Variants in NDC1 observed in about 807,000 individuals in gnomAD.
NDC1 encodes the protein NDC1 transmembrane nucleoporin, also known as nucleoporin NDC1.
In NDC1, 24 loss-of-function variants were observed where a neutral mutation model predicts 89.8. That is an observed-to-expected ratio of 0.27 (90% CI 0.19 to 0.38). The LOEUF (loss-of-function observed/expected upper bound fraction) is 0.38. Ranked by LOEUF, NDC1 falls within the 10% of genes least tolerant of loss-of-function variation. The pLI is 1.00. For missense variants in NDC1, 728 were observed against 797.6 expected (o/e 0.91, Z 1.05); for synonymous variants, 296 against 284.8 (o/e 1.04, Z -0.39).
chr1:53,825,979 A>C (rs763156153), intron 4 of NDC1, 43 bp from the exon 5 acceptor site: 2 of 1,595,328 alleles, frequency 1.3e-6, no homozygotes, highest in African/African-American at 2.7e-5. Context: ...AGTCAGGGAC[A>C]TGTATCACTG....
At chr1:53,801,707 T>C (rs1169815747) in intron 10 of NDC1, among the ~76,000 whole-genome samples, 3 of 152,180 alleles carry the variant, frequency 2.0e-5, no homozygotes, top group Non-Finnish European at 1.5e-5. Context: ...CTCAGGATGT[T>C]TTGTACTACT....
In NDC1 at chr1:53,838,271, G is replaced by A. The variant is rs748458764; in HGVS notation, c.-10C>T. 29 of 1,536,608 alleles carry A rather than the reference G, an allele frequency of 1.9e-5. No individual in the cohort carries two copies. The highest frequency in any genetic ancestry group is 1.8e-4 in the African/African-American group (13 of 72,632). On this transcript the variant is annotated 5_prime_UTR_variant, in exon 1 of 18. Coordinates refer to ENST00000371429, the MANE Select transcript of NDC1 (RefSeq NM_018087.5). ...TCACGGCCGTGGCCATGGAGATGGC[G>A]GCCCCTAGTCTAGGGCGTACAGGAG...
intron 1 of NDC1, 26 bp downstream of exon 1, chr1:53,838,179 C>T: frequency 1.3e-6 from 2 of 1,530,626 alleles, no homozygotes; most frequent in Non-Finnish European, 1.7e-6. Context: ...CCTGGCAGTG[C>T]GTGCCACAGT....
intron 16 of NDC1, among the ~76,000 whole-genome samples, chr1:53,773,702 A>G (rs1017850527): frequency 2.6e-5 from 4 of 152,144 alleles, no homozygotes; most frequent in African/African-American, 9.7e-5. Context: ...GACTGGTCAG[A>G]GTGCCCAAAG....
intron 16 of NDC1, among the ~76,000 whole-genome samples, chr1:53,779,119 C>CAAA (rs11412563): frequency 1.3e-3 from 70 of 55,354 alleles, no homozygotes; most frequent in African/African-American, 2.3e-3. Flanking sequence ...GACTCTGTCG[C>CAAA]AAAAAAAAAA....
rs1553148958 is a variant in NDC1, at chr1:53,804,020, G to T, written c.985-11C>A. 3 of 1,592,442 alleles carry T rather than the reference G, an allele frequency of 1.9e-6. No homozygotes were observed. Among genetic ancestry groups the T allele is most frequent in the Middle Eastern group, 3.3e-4 (2 of 6,016 alleles). ...CTGCAAGGCTAAATACTAACAGGGG[G>T]AAAAAACACATATTATTTAATTTTT... On this transcript the variant is annotated splice_polypyrimidine_tract_variant and intron_variant, in intron 9 of 17. Transcript: ENST00000371429.
intron 1 of NDC1, among the ~76,000 whole-genome samples, chr1:53,836,536 C>T (rs555604587): frequency 6.6e-6 from 1 of 151,780 alleles, no homozygotes; most frequent in Non-Finnish European, 1.5e-5. Flanking sequence ...TCGCTCTGTC[C>T]CCCAGGCTAG....
chr1:53,786,978 G>A (rs956992203), intron 16 of NDC1, among the ~76,000 whole-genome samples, 180 bp downstream of exon 16: 1 of 152,166 alleles, frequency 6.6e-6, no homozygotes, highest in Non-Finnish European at 1.5e-5. Flanking sequence ...TTATAGGCAT[G>A]AGCCACACCA....
intron 3 of NDC1, among the ~76,000 whole-genome samples, chr1:53,830,156 AAAAG>A (rs1283884843): frequency 2.7e-5 from 4 of 147,748 alleles, no homozygotes; most frequent in Non-Finnish European, 4.5e-5. Flanking sequence ...ATCTCAAAAA[AAAAG>A]AAAGAAAGCG....
At chr1:53,776,194 T>C (rs989448261) in intron 16 of NDC1, among the ~76,000 whole-genome samples, 4 of 152,140 alleles carry the variant, frequency 2.6e-5, no homozygotes, top group Admixed American at 1.3e-4. Flanking sequence ...TGACCTCAAG[T>C]GATCTGCCTT....
intron 16 of NDC1, among the ~76,000 whole-genome samples, chr1:53,778,258 T>TACACAC (rs772345616): frequency 6.9e-4 from 85 of 122,504 alleles, no homozygotes; most frequent in Admixed American, 3.0e-3. Flanking sequence ...TGTGTGTGTA[T>TACACAC]ATACACACAC....
Position 53,796,801 on chromosome 1 carries a change from T to A in NDC1, c.1472A>T (p.Gln491Leu). The A allele has an allele frequency of 1.2e-6, 2 of 1,606,388 alleles. No homozygotes were observed. Among genetic ancestry groups the A allele is most frequent in the Non-Finnish European group, 1.7e-6 (2 of 1,177,922 alleles). ...GPRLWTSASDQQMTEFSNPSP... is the reference protein window; with the variant it reads ...GPRLWTSASDLQMTEFSNPSP... Reference sequence around the variant, plus strand: ...AGGATTAGAAAATTCAGTCATTTGCTGATCTATTTTTAAAAAAGAAAAGGC... The same window carrying A: ...AGGATTAGAAAATTCAGTCATTTGCAGATCTATTTTTAAAAAAGAAAAGGC... The change falls in exon 13 of 18, where the codon CAG (glutamine) becomes CTG (leucine). Residue 491 changes from glutamine to leucine, a missense_variant. Transcript: ENST00000371429.
chr1:53,813,429 G>A (rs1195101725), intron 6 of NDC1, among the ~76,000 whole-genome samples: 4 of 152,098 alleles, frequency 2.6e-5, no homozygotes, highest in Admixed American at 1.3e-4. Flanking sequence ...GTAAAAGGGT[G>A]GAAAAAGGCA....
rs1475265517 is a variant in NDC1, at chr1:53,807,661, T to A, written c.886A>T (p.Thr296Ser). 3.1e-6 allele frequency: 5 copies of A among 1,602,336 alleles called. No individual in the cohort carries two copies. In the African/African-American group the frequency reaches 6.8e-5, roughly 22 times the overall value. The stretch of plus-strand genomic sequence containing the variant: ...AAATATTTTAAAAAACATACCTCTG[T>A]GGCATAGATTTTGAAGAGTATCCAT... ...VSWILFKIYA[T>S]EAHVFPVQPP... Residue 296 changes from threonine (T) to serine (S), a missense_variant, in exon 8 of 18, where the codon ACA becomes TCA. Thr to Ser is a moderately conservative substitution (Grantham distance 58). Coordinates refer to ENST00000371429, the MANE Select transcript of NDC1 (RefSeq NM_018087.5).
intron 16 of NDC1, among the ~76,000 whole-genome samples, chr1:53,776,067 A>G (rs1297009503): frequency 1.4e-5 from 2 of 147,750 alleles, no homozygotes; most frequent in African/African-American, 5.0e-5. Flanking sequence ...CGATCCTCCC[A>G]CCTCAGCCTC....
chr1:53,801,340 G>A (rs2100656756), intron 10 of NDC1, among the ~76,000 whole-genome samples: 1 of 152,160 alleles, frequency 6.6e-6, no homozygotes, highest in Non-Finnish European at 1.5e-5. Flanking sequence ...GTATATAACA[G>A]CCCCTATTTG....
intron 14 of NDC1, among the ~76,000 whole-genome samples, chr1:53,792,166 T>A (rs1438144083): frequency 3.3e-5 from 5 of 152,074 alleles, no homozygotes; most frequent in Admixed American, 2.0e-4. Flanking sequence ...ATGGTCTTGA[T>A]CTCCTGACCT....
chr1:53,784,135 T>TA (rs1392294813), intron 16 of NDC1, among the ~76,000 whole-genome samples: 62 of 152,144 alleles, frequency 4.1e-4, no homozygotes, highest in African/African-American at 1.5e-3. Flanking sequence ...ACCAGCATTT[T>TA]AAAAAATGAA....
At chr1:53,770,105 A>C (rs1647099362) in intron 17 of NDC1, among the ~76,000 whole-genome samples, 1 of 152,180 alleles carries the variant, frequency 6.6e-6, no homozygotes, top group Admixed American at 6.5e-5. Flanking sequence ...CACTGATTTT[A>C]TCAGCTTTGG....
Sources: allele counts gnomAD v4.1 joint callset (sites outside exome capture counted in the v4.1 genomes callset), GRCh38; gene constraint gnomAD v4.1.1; transcripts MANE v1.5; gene names NCBI Gene and HGNC (gene_info 2026-07-23, HGNC 2026-07-21).